Variants in KRT84 observed in about 807,000 individuals in gnomAD.
The protein encoded by KRT84 is keratin, type II cuticular Hb4.
In KRT84, 38 loss-of-function variants were observed where a neutral mutation model predicts 49.0. The observed-to-expected ratio is 0.78, with a 90% CI of 0.60 to 1.02. The LOEUF (loss-of-function observed/expected upper bound fraction) is 1.02, where lower values mean the gene tolerates loss of function less well. KRT84 is among the 50% of genes least tolerant of loss of function. The pLI is 0.00. For synonymous variants in KRT84, 334 were observed against 312.8 expected (o/e 1.07, Z -0.72); for missense variants, 860 against 788.6 (o/e 1.09, Z -1.08).
At chr12:52,382,675 G>C (rs1479957051) in intron 3 of KRT84, 143 bp from the exon 4 acceptor site, 1 of 664,918 alleles carries the variant, frequency 1.5e-6, no homozygotes, top group Non-Finnish European at 2.6e-6. Flanking sequence ...AGCAACTTTT[G>C]CTCATTTCCC....
At chr12:52,382,981 G>T (rs148108603) in intron 3 of KRT84, 24 bp downstream of exon 3, 3 of 1,609,304 alleles carry the variant, frequency 1.9e-6, no homozygotes, top group Admixed American at 1.7e-5. Flanking sequence ...GGAGAAGTTG[G>T]CCTGGTCTGT....
chr12:52,378,148 G>A lies in KRT84; in HGVS notation c.1689C>T (p.Val563=), dbSNP rs368450430. The part of the protein sequence containing the change: ...SGSMLISEAC[V]PSVPCPLPTQ... ...TGGGCAGGGGGCAGGGGACGCTGGGGACACAGGCCTCGCTGATGAGCATGG... is the reference window on the plus strand; with the variant it reads ...TGGGCAGGGGGCAGGGGACGCTGGGAACACAGGCCTCGCTGATGAGCATGG... Residue 563 remains valine, a synonymous_variant, in exon 9 of 9, where the codon GTC becomes GTT. Coordinates refer to ENST00000257951, the MANE Select transcript of KRT84 (RefSeq NM_033045.4). 4 of 1,572,872 alleles carry A rather than the reference G, an allele frequency of 2.5e-6. No individual in the cohort carries two copies. The highest frequency in any genetic ancestry group is 1.4e-5 in the African/African-American group (1 of 73,614).
intron 4 of KRT84, 66 bp downstream of exon 4, chr12:52,382,370 TA>T: frequency 9.5e-7 from 1 of 1,049,578 alleles, no homozygotes. Flanking sequence ...TAGCCCAGGC[TA>T]AGCATTCAGG....
rs757175431 is a variant in KRT84 at position 52,385,020 on chromosome 12, G to T, written c.546+20C>A. On this transcript the variant is annotated intron_variant, in intron 1 of 8. Transcript: ENST00000257951. ...TGGCTGTAATATTCCTAGACCCAGA[G>T]ATTCAGCTATCATAGGTACCTTGTC... 7 of 1,592,782 alleles carry T rather than the reference G, an allele frequency of 4.4e-6. No homozygotes were observed. The highest frequency in any genetic ancestry group is 6.0e-6 in the Non-Finnish European group (7 of 1,170,944).
Position 52,385,287 on chromosome 12 carries a change from T to C in KRT84, c.299A>G (p.Asp100Gly), listed in dbSNP as rs1362993951. ...GRGVGLGPRA[D>G]SCVGLGFGAG... ...TCCAAAGCCCAGACCAACACAGCTG[T>C]CAGCCCTAGGCCCCAGACCAACACC... The change falls in exon 1 of 9, where the codon GAC (aspartate) becomes GGC (glycine). Residue 100 changes from aspartate (D) to glycine (G), a missense_variant. Coordinates refer to ENST00000257951, the MANE Select transcript of KRT84 (RefSeq NM_033045.4). 6.2e-7 allele frequency: 1 copy of C among 1,613,930 alleles called. No homozygotes were observed.
chr12:52,383,313 G>A (rs1939514837), intron 2 of KRT84, among the ~76,000 whole-genome samples: 1 of 152,054 alleles, frequency 6.6e-6, no homozygotes, highest in Admixed American at 6.5e-5. Flanking sequence ...CTGGTCTATT[G>A]CTATGTTCCT....
upstream of KRT84, among the ~76,000 whole-genome samples, chr12:52,386,475 G>A (rs12426794): frequency 0.017 from 2,487 of 149,984 alleles, 178 homozygotes; most frequent in Admixed American, 0.13. Context: ...TCCCGCCTCC[G>A]CCTCCCAGAT....
chr12:52,385,173 G>A lies in KRT84; in HGVS notation c.413C>T (p.Thr138Ile), dbSNP rs944527551. ...TAGGCTCTTGTTCACAGTCACAGCT[G>A]TGATAGATGGGGCTGCTGGGACTCC... ...GVGVPAAPSI[T>I]AVTVNKSLLT... The change falls in exon 1 of 9, where the codon ACA (threonine) becomes ATA (isoleucine). Residue 138 changes from threonine to isoleucine, a missense_variant. Thr to Ile is a moderately conservative substitution (Grantham distance 89). Transcript: ENST00000257951. 12 of 1,606,506 alleles carry A rather than the reference G, an allele frequency of 7.5e-6. No homozygotes were observed. The highest frequency in any genetic ancestry group is 1.0e-5 in the Non-Finnish European group (12 of 1,175,494).
chr12:52,384,891 C>T (rs1939546492), intron 1 of KRT84, 149 bp downstream of exon 1: 2 of 833,644 alleles, frequency 2.4e-6, no homozygotes, highest in Admixed American at 4.6e-5. Context: ...ACCCATAAAG[C>T]ATACCACAAT....
intron 6 of KRT84, 59 bp from the exon 7 acceptor site, chr12:52,380,642 G>T: frequency 6.7e-7 from 1 of 1,489,464 alleles, no homozygotes; most frequent in Non-Finnish European, 9.0e-7. Context: ...CCCAGGTTGG[G>T]TTAGAAACAC....
At chr12:52,382,880 G>C in intron 3 of KRT84, 125 bp downstream of exon 3, 1 of 758,112 alleles carries the variant, frequency 1.3e-6, no homozygotes, top group Non-Finnish European at 2.3e-6. Context: ...AGATTCCACT[G>C]TCTCCACTGT....
intron 3 of KRT84, 31 bp from the exon 4 acceptor site, chr12:52,382,563 TC>T: frequency 6.4e-7 from 1 of 1,553,030 alleles, no homozygotes; most frequent in Non-Finnish European, 8.9e-7. Context: ...TAAATACTCA[TC>T]GCCTGGGCAC....
At position 52,385,480 on chromosome 12, in the gene KRT84, C is replaced by T. The variant is rs374264728; in HGVS notation, c.106G>A (p.Val36Ile). Residue 36 changes from valine to isoleucine, a missense_variant, in exon 1 of 9, where the codon GTC becomes ATC. Coordinates refer to ENST00000257951, the MANE Select transcript of KRT84 (RefSeq NM_033045.4). ...AATCCAGGCCCACTCCAACAGGAGA[C>T]AGAGTTGGCCCGGAAGCGATTCAGG... ...QNLNRFRANSVSCWSGPGFRG... is the reference protein window; with the variant it reads ...QNLNRFRANSISCWSGPGFRG... 5 of 1,614,116 alleles carry T rather than the reference C, an allele frequency of 3.1e-6. No homozygotes were observed. Among genetic ancestry groups the T allele is most frequent in the Admixed American group, 1.7e-5 (1 of 60,002 alleles).
intron 2 of KRT84, 119 bp downstream of exon 2, chr12:52,383,471 T>G (rs1939519794): frequency 1.3e-4 from 61 of 469,900 alleles, no homozygotes; most frequent in East Asian, 2.0e-4. Context: ...CTCCCCAGGC[T>G]TGATGTGGTA....
intron 5 of KRT84, 36 bp downstream of exon 5, chr12:52,381,325 G>A: frequency 1.2e-6 from 2 of 1,613,638 alleles, no homozygotes; most frequent in Non-Finnish European, 1.7e-6. Context: ...CATTCCCAGA[G>A]CTGCCTACAT....
In KRT84 at chr12:52,383,815, C is replaced by G. The variant is rs1162997304; in HGVS notation, c.547-17G>C. ...GAACCGAACCTAAATCCACAGGGCACAGAAATGGCATTTGAAGTGCTTGAT... is the reference window on the plus strand; with the variant it reads ...GAACCGAACCTAAATCCACAGGGCAGAGAAATGGCATTTGAAGTGCTTGAT... On this transcript the variant is annotated splice_polypyrimidine_tract_variant and intron_variant, in intron 1 of 8. Transcript: ENST00000257951. The G allele has an allele frequency of 1.9e-6, 3 of 1,604,932 alleles. No homozygotes were observed. The African/African-American group carries it at 4.1e-5, about 22-fold the overall frequency.
At chr12:52,386,362 C>A (rs1005865867), upstream of KRT84, among the ~76,000 whole-genome samples, 1 of 150,118 alleles carries the variant, frequency 6.7e-6, no homozygotes, top group African/African-American at 2.5e-5. Flanking sequence ...CAGTCTCTAT[C>A]TTCATGGTAG....
chr12:52,386,977 T>C (rs1939581424), upstream of KRT84, among the ~76,000 whole-genome samples: 2 of 152,312 alleles, frequency 1.3e-5, no homozygotes, highest in South Asian at 4.2e-4. Context: ...TTTTTCCAGC[T>C]ATCAGCTGTA....
At chr12:52,386,058 C>A (rs530354961), upstream of KRT84, among the ~76,000 whole-genome samples, 12 of 152,268 alleles carry the variant, frequency 7.9e-5, no homozygotes, top group East Asian at 1.7e-3. Context: ...GAAGATATAA[C>A]CCCCTAAAGA....
Sources: gnomAD v4.1 joint callset for allele counts (sites outside exome capture counted in the v4.1 genomes callset) on GRCh38, gnomAD v4.1.1 for gene constraint, MANE v1.5 for transcripts, NCBI Gene and HGNC (gene_info 2026-07-23, HGNC 2026-07-21) for gene names.